The following ZBBX variants were observed in gnomAD, a reference collection of about 807,000 sequenced individuals.
ZBBX encodes the protein zinc finger B-box domain containing.
In ZBBX, 101 loss-of-function variants were observed where a neutral mutation model predicts 108.5. The ratio of observed to expected loss-of-function variants is 0.93; its 90% CI spans 0.79 to 1.10. The LOEUF is 1.10. Among genes scored for constraint, ZBBX ranks in the 50% least tolerant of loss-of-function variants. The probability of loss-of-function intolerance (pLI) is 0.00; values close to 1 mark genes in which losing one functional copy is unlikely to be tolerated. For missense variants in ZBBX, 1,009 were observed against 941.4 expected (o/e 1.07, Z -0.94); for synonymous variants, 356 against 323.4 (o/e 1.10, Z -1.08).
At chr3:167,384,091 C>T (rs1308115181), upstream of ZBBX, among the ~76,000 whole-genome samples, 4 of 152,058 alleles carry the variant, frequency 2.6e-5, no homozygotes, top group African/African-American at 9.7e-5. Context: ...TTAATACCCT[C>T]AAATAATTTT....
At chr3:167,225,074 T>C in the ZBBX span, among the ~76,000 whole-genome samples, 1 of 151,760 alleles carries the variant, frequency 6.6e-6, no homozygotes, top group African/African-American at 2.4e-5. Flanking sequence ...TGATATGGAA[T>C]AGACACAAGG....
chr3:167,367,975 TATATATATATATAC>T (rs1461467793), intron 5 of ZBBX, among the ~76,000 whole-genome samples: 5 of 18,716 alleles, frequency 2.7e-4, no homozygotes, highest in Middle Eastern at 0.02. Context: ...TATGTATATA[TATATATATATATAC>T]ATATATATAT....
intron 11 of ZBBX, 125 bp downstream of exon 11, chr3:167,327,817 G>A: frequency 2.1e-6 from 2 of 942,580 alleles, no homozygotes; most frequent in Non-Finnish European, 3.0e-6. Flanking sequence ...AGAAGGCTGA[G>A]GCAGGAGAAT....
chr3:167,368,367 A>G, intron 5 of ZBBX, 94 bp downstream of exon 5: 1 of 925,094 alleles, frequency 1.1e-6, no homozygotes, highest in African/African-American at 1.7e-5. Context: ...TTATCCATCC[A>G]TTAAATGTTT....
chr3:167,293,857 C>G (rs773538473), intron 18 of ZBBX, among the ~76,000 whole-genome samples: 1 of 152,164 alleles, frequency 6.6e-6, no homozygotes, highest in Non-Finnish European at 1.5e-5. Flanking sequence ...TCTCAGGATA[C>G]AAAATCAATG....
rs554425668 is a variant in ZBBX at position 167,241,260 on chromosome 3, T to G, written c.2394-341A>C. Among the ~76,000 whole-genome samples, 10 of 152,332 alleles carry G rather than the reference T, an allele frequency of 6.6e-5. No individual in the cohort carries two copies. In the South Asian group the frequency reaches 1.0e-3, roughly 16 times the overall value. On this transcript the variant is annotated intron_variant, in intron 21 of 21. Coordinates refer to ENST00000675490, the MANE Select transcript of ZBBX (RefSeq NM_001199201.2). Reference sequence around the variant, plus strand: ...TAAGAACATTCATCATCACATTGGCTGTTTAATAGAATCCCAGTGAATAGA... The same window carrying G: ...TAAGAACATTCATCATCACATTGGCGGTTTAATAGAATCCCAGTGAATAGA...
At chr3:167,376,352 A>G (rs1031951263) in intron 2 of ZBBX, among the ~76,000 whole-genome samples, 4 of 152,122 alleles carry the variant, frequency 2.6e-5, no homozygotes, top group Non-Finnish European at 4.4e-5. Flanking sequence ...TGGAATCTGT[A>G]TTGCTTTCTG....
intron 1 of ZBBX, among the ~76,000 whole-genome samples, chr3:167,388,719 C>T (rs1747997007): frequency 6.6e-6 from 1 of 151,956 alleles, no homozygotes; most frequent in Non-Finnish European, 1.5e-5. Flanking sequence ...TGCTGTTCTG[C>T]CTTTCTCAAC....
chr3:167,346,902 T>C (rs1489577052), intron 9 of ZBBX, among the ~76,000 whole-genome samples: 3 of 151,490 alleles, frequency 2.0e-5, no homozygotes, highest in Non-Finnish European at 3.0e-5. Context: ...AGAAAGAAAA[T>C]GGCAGAGAGC....
chr3:167,353,282 T>C (rs6767180), intron 8 of ZBBX, among the ~76,000 whole-genome samples: 95 of 152,198 alleles, frequency 6.2e-4, no homozygotes, highest in African/African-American at 2.0e-3. Flanking sequence ...TTGTAAGATA[T>C]ATACCATGGA....
At chr3:167,318,634 C>A (rs1401566431) in intron 12 of ZBBX, among the ~76,000 whole-genome samples, 2 of 151,870 alleles carry the variant, frequency 1.3e-5, no homozygotes, top group African/African-American at 4.8e-5. Context: ...CATTTATATG[C>A]CAATTGTTAA....
chr3:167,245,242 T>A (rs1721358925), intron 20 of ZBBX, among the ~76,000 whole-genome samples: 2 of 151,878 alleles, frequency 1.3e-5, no homozygotes. Flanking sequence ...TGAAACCCCG[T>A]CTCTACTAAA....
At chr3:167,331,524 A>G in intron 10 of ZBBX, 2 of 975,320 alleles carry the variant, frequency 2.1e-6, no homozygotes, top group Non-Finnish European at 2.4e-6. Flanking sequence ...TGAATCAGAG[A>G]TGTCAGACAT....
intron 20 of ZBBX, among the ~76,000 whole-genome samples, chr3:167,245,778 A>G (rs1198499244): frequency 6.6e-6 from 1 of 151,848 alleles, no homozygotes; most frequent in Non-Finnish European, 1.5e-5. Flanking sequence ...CTCCACAGCC[A>G]TGCTTCCCGT....
the ZBBX span, among the ~76,000 whole-genome samples, chr3:167,183,194 G>A: frequency 7.6e-4 from 116 of 152,194 alleles, no homozygotes; most frequent in African/African-American, 2.7e-3. Flanking sequence ...CTGTTACTTC[G>A]TTATACTCTC....
chr3:167,334,308 C>T (rs754277156), intron 9 of ZBBX, among the ~76,000 whole-genome samples: 39 of 152,056 alleles, frequency 2.6e-4, no homozygotes, highest in Admixed American at 1.2e-3. Context: ...CGTGGTGGCT[C>T]GCTCCTGTAA....
chr3:167,276,426 G>A (rs1198514141), intron 20 of ZBBX, among the ~76,000 whole-genome samples: 6 of 152,146 alleles, frequency 3.9e-5, no homozygotes, highest in Non-Finnish European at 5.9e-5. Flanking sequence ...ACCAAGGCTC[G>A]AAGAGAACTA....
chr3:167,203,658 C>T, the ZBBX span, among the ~76,000 whole-genome samples: 2 of 152,048 alleles, frequency 1.3e-5, no homozygotes, highest in African/African-American at 4.8e-5. Flanking sequence ...CTTAAGGAAG[C>T]ATATAACAGT....
At chr3:167,287,810 A>G (rs1473566369) in intron 19 of ZBBX, among the ~76,000 whole-genome samples, 2 of 152,134 alleles carry the variant, frequency 1.3e-5, no homozygotes, top group Non-Finnish European at 2.9e-5. Context: ...AGCCAAAAAA[A>G]TCATAAATAC....
Sources: gnomAD v4.1 joint callset for allele counts (sites outside exome capture counted in the v4.1 genomes callset) on GRCh38, gnomAD v4.1.1 for gene constraint, MANE v1.5 for transcripts, NCBI Gene and HGNC (gene_info 2026-07-23, HGNC 2026-07-21) for gene names.